RTTN: variants seen among roughly 807,000 people sequenced by gnomAD.
The protein encoded by RTTN is rotatin.
In RTTN, 182 loss-of-function variants were observed where a neutral mutation model predicts 269.2. That is an observed-to-expected ratio of 0.68 (90% confidence interval 0.60 to 0.76). The LOEUF is 0.76. Ranked by LOEUF, RTTN falls within the 30% of genes least tolerant of loss-of-function variation. The pLI, the probability that RTTN is intolerant of heterozygous loss-of-function variation, is 0.00. For synonymous variants in RTTN, 1,006 were observed against 963.5 expected (o/e 1.04, Z -0.82); for missense variants, 2,545 against 2,608.6 (o/e 0.98, Z 0.53).
At chr18:70,181,044 C>G (rs2146018013) in intron 10 of RTTN, among the ~76,000 whole-genome samples, 1 of 152,326 alleles carries the variant, frequency 6.6e-6, no homozygotes, top group South Asian at 2.1e-4. Context: ...CACCAGTTAT[C>G]AATTCACAAT....
At chr18:70,076,448 C>T (rs1009126246) in intron 32 of RTTN, among the ~76,000 whole-genome samples, 5 of 151,924 alleles carry the variant, frequency 3.3e-5, no homozygotes, top group African/African-American at 1.2e-4. Flanking sequence ...CTCCCCATCA[C>T]CAAAAGAAGA....
At chr18:70,102,794 T>C (rs558996787) in intron 28 of RTTN, among the ~76,000 whole-genome samples, 1 of 152,358 alleles carries the variant, frequency 6.6e-6, no homozygotes, top group East Asian at 1.9e-4. Flanking sequence ...AGCATTTGCT[T>C]GTCTGTAAAA....
At chr18:70,048,859 T>C (rs2057570858) in intron 39 of RTTN, among the ~76,000 whole-genome samples, 1 of 151,952 alleles carries the variant, frequency 6.6e-6, no homozygotes, top group Non-Finnish European at 1.5e-5. Context: ...GGCAATTGAT[T>C]TAAAAAAATA....
intron 25 of RTTN, among the ~76,000 whole-genome samples, 160 bp from the exon 26 acceptor site, chr18:70,121,860 G>A (rs1407009515): frequency 6.6e-6 from 1 of 152,156 alleles, no homozygotes; most frequent in Non-Finnish European, 1.5e-5. Context: ...AACAAACTGG[G>A]TATCTGCCTT....
chr18:70,072,731 C>G (rs1376048408), intron 34 of RTTN, among the ~76,000 whole-genome samples: 2 of 152,072 alleles, frequency 1.3e-5, no homozygotes, highest in African/African-American at 4.8e-5. Context: ...GACAAATAGG[C>G]TAACAAACAA....
At chr18:70,151,227 T>G (rs1380428479) in intron 14 of RTTN, among the ~76,000 whole-genome samples, 1 of 148,264 alleles carries the variant, frequency 6.7e-6, no homozygotes, top group African/African-American at 2.4e-5. Flanking sequence ...TAATTTTTTA[T>G]GCTACATATT....
chr18:70,049,510 G>T (rs375476610), intron 39 of RTTN, among the ~76,000 whole-genome samples: 16 of 152,176 alleles, frequency 1.1e-4, no homozygotes, highest in South Asian at 8.3e-4. Context: ...ACATGCATTT[G>T]CCATAATTCT....
chr18:70,091,177 A>G (rs948952695), intron 30 of RTTN, among the ~76,000 whole-genome samples: 2 of 152,178 alleles, frequency 1.3e-5, no homozygotes, highest in African/African-American at 4.8e-5. Context: ...TGATTTGGGA[A>G]TAAGTTAAGA....
intron 28 of RTTN, among the ~76,000 whole-genome samples, chr18:70,101,937 A>C (rs1197714061): frequency 1.3e-5 from 2 of 152,200 alleles, no homozygotes; most frequent in African/African-American, 4.8e-5. Flanking sequence ...CTGTGGTTTG[A>C]GACACAGTTT....
intron 15 of RTTN, 116 bp downstream of exon 15, chr18:70,150,490 CAA>C: frequency 1.1e-6 from 1 of 912,964 alleles, no homozygotes. Flanking sequence ...ACCAATGCAC[CAA>C]AGACAGGTTT....
intron 26 of RTTN, among the ~76,000 whole-genome samples, chr18:70,117,593 A>C (rs1312640319): frequency 2.0e-5 from 3 of 152,064 alleles, no homozygotes; most frequent in African/African-American, 7.2e-5. Context: ...TGTACCAAAA[A>C]TCCTTTTCAA....
At chr18:70,113,389 T>C (rs547389968) in intron 27 of RTTN, among the ~76,000 whole-genome samples, 1 of 152,194 alleles carries the variant, frequency 6.6e-6, no homozygotes, top group Non-Finnish European at 1.5e-5. Context: ...ATAACAGGTG[T>C]TGGTGAGGAT....
chr18:70,115,539 G>C (rs1339267788), intron 26 of RTTN, among the ~76,000 whole-genome samples: 1 of 151,094 alleles, frequency 6.6e-6, no homozygotes, highest in Non-Finnish European at 1.5e-5. Flanking sequence ...AAGATAGTAA[G>C]ATTTCATTTG....
chr18:70,091,190 T>C (rs2058835552), intron 30 of RTTN, among the ~76,000 whole-genome samples: 1 of 152,078 alleles, frequency 6.6e-6, no homozygotes, highest in South Asian at 2.1e-4. Flanking sequence ...AGTTAAGACT[T>C]TTGAGGTTGT....
In RTTN at chr18:70,205,304, C is replaced by G; in HGVS notation, c.43G>C (p.Ala15Pro). The change falls in exon 2 of 49, where the codon GCC becomes CCC. Residue 15 changes from alanine (A) to proline (P), a missense_variant. Ala to Pro is a conservative substitution (Grantham distance 27). Transcript: ENST00000640769. ...GLIRKLGHQL[A>P]EIRERALKSI... ...TTGAGAGCGCGCTCCCTGATCTCGG[C>G]CAGCTGATGACCTGTCAACGAACGG... is the stretch of plus-strand genomic sequence containing the variant. 6.2e-7 allele frequency: 1 copy of G among 1,614,172 alleles called. No individual in the cohort carries two copies. Among genetic ancestry groups the G allele is most frequent in the Middle Eastern group, 1.6e-4 (1 of 6,062 alleles).
At chr18:70,133,169 C>G (rs1185865836) in intron 23 of RTTN, among the ~76,000 whole-genome samples, 1 of 152,092 alleles carries the variant, frequency 6.6e-6, no homozygotes, top group East Asian at 1.9e-4. Flanking sequence ...GGCTTCCAAG[C>G]CAAGACAGCT....
At chr18:70,163,066 T>C (rs2060883251) in intron 14 of RTTN, among the ~76,000 whole-genome samples, 1 of 77,062 alleles carries the variant, frequency 1.3e-5, no homozygotes, top group South Asian at 5.1e-4. Flanking sequence ...TGGTTACTAT[T>C]ATTAAAAAAA....
In RTTN at chr18:70,054,180, A is replaced by G; in HGVS notation, c.5136T>C (p.Leu1712=). 6.2e-7 allele frequency: 1 copy of G among 1,613,736 alleles called. No individual in the cohort carries two copies. Among genetic ancestry groups the G allele is most frequent in the Non-Finnish European group, 8.5e-7 (1 of 1,179,650 alleles). ...TGAGAATTCCAATGATATTGGTGAT[A>G]AGAGGTTTCACAAGCTCATCCTGAA... ...LVIQDELVKP[L]ITNIIGILTI... The change falls in exon 38 of 49, where the codon CTT becomes CTC. Residue 1712 remains leucine (L), a synonymous_variant. Transcript: ENST00000640769.
chr18:70,190,230 GA>G (rs1291898571), intron 9 of RTTN, among the ~76,000 whole-genome samples: 1 of 145,930 alleles, frequency 6.9e-6, no homozygotes, highest in Non-Finnish European at 1.5e-5. Context: ...AAAAAAAAAA[GA>G]AAAAAATAGA....
Sources: gnomAD v4.1 joint callset for allele counts (sites outside exome capture counted in the v4.1 genomes callset) on GRCh38, gnomAD v4.1.1 for gene constraint, MANE v1.5 for transcripts, NCBI Gene and HGNC (gene_info 2026-07-23, HGNC 2026-07-21) for gene names.